TRPV1: variants seen among roughly 807,000 people sequenced by gnomAD.
TRPV1 encodes the protein transient receptor potential cation channel subfamily V member 1.
TRPV1 carries 82 observed loss-of-function variants against 82.3 expected under a neutral mutation model. The ratio of observed to expected loss-of-function variants is 1.00; its 90% confidence interval spans 0.83 to 1.20. The LOEUF (loss-of-function observed/expected upper bound fraction) is 1.20. TRPV1 is among the 50% of genes most tolerant of loss of function. The pLI is 0.00. For missense variants in TRPV1, 1,067 were observed against 1,096.8 expected, an observed-to-expected ratio of 0.97 and a Z score of 0.38; for synonymous variants, 515 against 467.7, an observed-to-expected ratio of 1.10 and a Z score of -1.30.
At position 3,566,210 on chromosome 17, in the gene TRPV1, G is replaced by C. The variant is rs908656251; in HGVS notation, c.*605C>G. On this transcript the variant is annotated 3_prime_UTR_variant, in exon 17 of 17. Transcript: ENST00000572705. ...AAAAAGAATAAAATCAAAGAAAACA[G>C]CCAGGTGTGGAGGCTCACACCTGTA... The C allele has an allele frequency of 1.3e-5, 2 of 148,156 alleles. No homozygotes were observed. Among genetic ancestry groups the C allele is most frequent in the Non-Finnish European group, 3.0e-5 (2 of 67,344 alleles). 9.2% of individuals were successfully genotyped at this position (148,156 alleles called of 1,614,324 possible).
At chr17:3,580,259 G>A (rs541861986) in intron 11 of TRPV1, among the ~76,000 whole-genome samples, 198 bp downstream of exon 11, 3 of 152,276 alleles carry the variant, frequency 2.0e-5, no homozygotes, top group Non-Finnish European at 2.9e-5. Flanking sequence ...GCAGTTTCTC[G>A]ATCCCTGGCC....
chr17:3,580,309 G>A (rs1325615276), intron 11 of TRPV1, 148 bp downstream of exon 11: 11 of 789,708 alleles, frequency 1.4e-5, no homozygotes, highest in East Asian at 1.3e-4. Context: ...TTCATCCCCC[G>A]AGTATGTATT....
At chr17:3,578,674 T>G (rs1359592103) in intron 11 of TRPV1, 1 of 152,082 alleles carries the variant, frequency 6.6e-6, no homozygotes, top group African/African-American at 2.4e-5. Flanking sequence ...ATCTCAAGAT[T>G]AGGGGGAAAA....
At position 3,609,322 on chromosome 17, in the gene TRPV1, TGAGA is replaced by T. The variant is rs3840876; in HGVS notation, c.-190_-187del. ...TATGTTTCATACCTGTCATGGATAC[TGAGA>T]GAGAGAGAGAGAGAGAGAGAGAGAA... On this transcript the variant is annotated 5_prime_UTR_variant, in exon 1 of 17. Coordinates refer to ENST00000572705, the MANE Select transcript of TRPV1 (RefSeq NM_080704.4). 0.37 allele frequency: 55,400 copies of T among 148,566 alleles called. 11,723 individuals carry two copies. Among genetic ancestry groups the T allele is most frequent in the East Asian group, 0.67 (3,350 of 5,036 alleles). The allele number at this position is 148,566 out of a possible 1,614,324, so 9.2% of individuals were successfully genotyped here.
chr17:3,571,818 C>G (rs1172446697), intron 15 of TRPV1, among the ~76,000 whole-genome samples, 179 bp from the exon 16 acceptor site: 1 of 152,208 alleles, frequency 6.6e-6, no homozygotes, highest in Non-Finnish European at 1.5e-5. Flanking sequence ...TCTGAGCACA[C>G]TGTGAGGCCC....
At chr17:3,573,105 T>G (rs2150827206) in intron 14 of TRPV1, among the ~76,000 whole-genome samples, 1 of 151,794 alleles carries the variant, frequency 6.6e-6, no homozygotes, top group South Asian at 2.1e-4. Context: ...ACAGAGAAAG[T>G]GCTTCTTCAT....
intron 10 of TRPV1, among the ~76,000 whole-genome samples, chr17:3,582,832 C>T (rs1389567589): frequency 3.5e-5 from 5 of 141,936 alleles, no homozygotes; most frequent in South Asian, 2.3e-4. Flanking sequence ...TGGTGGCAGG[C>T]GCCTGTAATC....
intron 16 of TRPV1, among the ~76,000 whole-genome samples, chr17:3,568,101 T>A (rs1167961776): frequency 2.0e-5 from 3 of 152,030 alleles, no homozygotes; most frequent in Non-Finnish European, 2.9e-5. Flanking sequence ...GGCGGGCGGA[T>A]CACGAGGTCA....
intron 11 of TRPV1, chr17:3,578,666 C>G (rs939063306): frequency 7.2e-5 from 11 of 152,142 alleles, no homozygotes; most frequent in Non-Finnish European, 1.6e-4. Flanking sequence ...GTATAGGTAT[C>G]TCAAGATTAG....
At chr17:3,593,263 G>A (rs938571642) in intron 2 of TRPV1, among the ~76,000 whole-genome samples, 6 of 152,172 alleles carry the variant, frequency 3.9e-5, no homozygotes, top group South Asian at 2.1e-4. Flanking sequence ...GATTACAGGC[G>A]CCCGCCACCA....
At chr17:3,568,176 G>T (rs1373262637) in intron 16 of TRPV1, among the ~76,000 whole-genome samples, 1 of 152,034 alleles carries the variant, frequency 6.6e-6, no homozygotes, top group Non-Finnish European at 1.5e-5. Context: ...CAAAAAATTA[G>T]CCGGGCGTAG....
At position 3,584,402 on chromosome 17, in the gene TRPV1, C is replaced by CAAA. The variant is rs1447579699; in HGVS notation, c.1384-975_1384-973dup. On this transcript the variant is annotated intron_variant, in intron 9 of 16. Coordinates refer to ENST00000572705, the MANE Select transcript of TRPV1 (RefSeq NM_080704.4). ...TGGAAAACAGAGAGAGACTCTGTCT[C>CAAA]AAAAAAAAAAAAAATAAAATAAAAA... Among the ~76,000 whole-genome samples the CAAA allele has an allele frequency of 2.8e-3, 47 of 16,764 alleles. 1 individual carries two copies. The highest frequency in any genetic ancestry group is 3.1e-3 in the Non-Finnish European group (26 of 8,266). 11.0% of individuals were successfully genotyped at this position (16,764 alleles called of 152,430 possible).
intron 10 of TRPV1, among the ~76,000 whole-genome samples, chr17:3,582,212 A>AAAAAAAAAAAAAAAAAC (rs1454690374): frequency 6.8e-6 from 1 of 147,644 alleles, no homozygotes; most frequent in Non-Finnish European, 1.5e-5. Context: ...AAAAAAAAAA[A>AAAAAAAAAAAAAAAAAC]AATCACAGTG....
At chr17:3,596,548 G>T (rs1261929669) in intron 2 of TRPV1, among the ~76,000 whole-genome samples, 1 of 152,154 alleles carries the variant, frequency 6.6e-6, no homozygotes, top group Non-Finnish European at 1.5e-5. Context: ...CAGAGAGGGC[G>T]ACACGCTGAA....
intron 11 of TRPV1, 157 bp from the exon 12 acceptor site, chr17:3,577,920 T>A: frequency 1.5e-6 from 1 of 656,366 alleles, no homozygotes; most frequent in South Asian, 2.0e-5. Context: ...GCGTTCTCCG[T>A]GGAAGCAGCA....
chr17:3,594,813 G>T (rs2075203698), intron 2 of TRPV1, among the ~76,000 whole-genome samples: 3 of 152,236 alleles, frequency 2.0e-5, no homozygotes, highest in African/African-American at 7.2e-5. Context: ...GGGGCAGGGT[G>T]CTGAAGAGGG....
chr17:3,601,533 C>A (rs1044180059), intron 2 of TRPV1, among the ~76,000 whole-genome samples: 1 of 152,030 alleles, frequency 6.6e-6, no homozygotes, highest in East Asian at 1.9e-4. Context: ...TCTTCAAGTG[C>A]GAGGTGAGCC....
At chr17:3,588,813 T>TAAA (rs3837859) in intron 7 of TRPV1, 9,328 of 895,778 alleles carry the variant, frequency 0.01, 1 homozygote, top group Non-Finnish European at 0.012. Context: ...AAACCTCATC[T>TAAA]AAAAAAAAAA....
intron 9 of TRPV1, 30 bp downstream of exon 9, chr17:3,585,738 C>G: frequency 1.2e-6 from 2 of 1,602,560 alleles, no homozygotes; most frequent in Non-Finnish European, 1.7e-6. Flanking sequence ...CCCACACCCT[C>G]GCCCACGAGG....
Sources: allele counts gnomAD v4.1 joint callset (sites outside exome capture counted in the v4.1 genomes callset), GRCh38; gene constraint gnomAD v4.1.1; transcripts MANE v1.5; gene names NCBI Gene and HGNC (gene_info 2026-07-23, HGNC 2026-07-21).